Variants in KIAA1217 observed in about 807,000 individuals in gnomAD.
The protein encoded by KIAA1217 is KIAA1217.
Under a neutral mutation model 163.9 loss-of-function variants are expected in KIAA1217, and 88 were observed. That is an observed-to-expected ratio of 0.54 (90% CI 0.45 to 0.64). The LOEUF is 0.64. Among genes scored for constraint, KIAA1217 ranks in the 30% least tolerant of loss-of-function variants. KIAA1217 has a pLI of 0.00. For synonymous variants in KIAA1217, 903 were observed against 923.1 expected, an observed-to-expected ratio of 0.98 and a Z score of 0.39; for missense variants, 2,372 against 2,475.0, an observed-to-expected ratio of 0.96 and a Z score of 0.88.
intron 2 of KIAA1217, among the ~76,000 whole-genome samples, chr10:24,132,496 G>T (rs1388474797): frequency 6.6e-6 from 1 of 152,184 alleles, no homozygotes; most frequent in Non-Finnish European, 1.5e-5. Flanking sequence ...AATATAAGAT[G>T]AATCGGACAT....
At chr10:24,471,474 T>A (rs1174904766) in intron 5 of KIAA1217, among the ~76,000 whole-genome samples, 1 of 151,930 alleles carries the variant, frequency 6.6e-6, no homozygotes, top group Non-Finnish European at 1.5e-5. Context: ...CTGAGTTATT[T>A]TTTTTTTTAT....
At chr10:24,205,917 A>C (rs1017179860), upstream of KIAA1217, among the ~76,000 whole-genome samples, 2 of 152,232 alleles carry the variant, frequency 1.3e-5, no homozygotes, top group African/African-American at 4.8e-5. Flanking sequence ...GGTGAATGCC[A>C]TTTACGTTGC....
chr10:24,061,860 T>C (rs1391048291), intron 2 of KIAA1217, among the ~76,000 whole-genome samples: 2 of 152,176 alleles, frequency 1.3e-5, no homozygotes, highest in East Asian at 3.9e-4. Context: ...CCTTTGTGTA[T>C]ATTTATTTGG....
chr10:24,154,975 G>C (rs2064809650), intron 2 of KIAA1217, among the ~76,000 whole-genome samples: 1 of 151,820 alleles, frequency 6.6e-6, no homozygotes, highest in South Asian at 2.1e-4. Flanking sequence ...CAGGTGTCTG[G>C]GGAAAAGGGA....
intron 2 of KIAA1217, among the ~76,000 whole-genome samples, chr10:24,151,616 A>G (rs1042199590): frequency 6.6e-6 from 1 of 151,292 alleles, no homozygotes; most frequent in African/African-American, 2.4e-5. Context: ...CTCTCTGGAG[A>G]GAGAATGCTC....
At chr10:23,842,038 T>C (rs1274527353) in intron 1 of KIAA1217, among the ~76,000 whole-genome samples, 6 of 151,878 alleles carry the variant, frequency 4.0e-5, no homozygotes, top group Non-Finnish European at 8.8e-5. Context: ...TGGCTAACTT[T>C]TGTATTTTTA....
intron 3 of KIAA1217, among the ~76,000 whole-genome samples, chr10:24,403,233 T>A (rs1173787106): frequency 6.6e-6 from 1 of 152,092 alleles, no homozygotes; most frequent in African/African-American, 2.4e-5. Flanking sequence ...TCTATTTATT[T>A]ATTATTATTA....
At chr10:24,134,619 G>A (rs1320838835) in intron 2 of KIAA1217, among the ~76,000 whole-genome samples, 1 of 152,162 alleles carries the variant, frequency 6.6e-6, no homozygotes, top group African/African-American at 2.4e-5. Context: ...TGTTCTCCAA[G>A]CTGGAGTGCA....
chr10:24,342,259 C>T (rs1032744801), intron 2 of KIAA1217, among the ~76,000 whole-genome samples: 2 of 152,210 alleles, frequency 1.3e-5, no homozygotes. Context: ...GAGAGACCTA[C>T]CTCACATACT....
intron 12 of KIAA1217, among the ~76,000 whole-genome samples, chr10:24,522,355 T>A (rs544174922): frequency 6.6e-6 from 1 of 152,228 alleles, no homozygotes; most frequent in East Asian, 1.9e-4. Flanking sequence ...GTGGGTTTTT[T>A]AAAATAACAT....
At chr10:24,216,007 G>A (rs998076683) in intron 1 of KIAA1217, among the ~76,000 whole-genome samples, 3 of 152,104 alleles carry the variant, frequency 2.0e-5, no homozygotes, top group African/African-American at 4.8e-5. Flanking sequence ...CCTCTAAATC[G>A]CATCAATCCT....
intron 3 of KIAA1217, among the ~76,000 whole-genome samples, chr10:24,383,305 C>G (rs2053562878): frequency 6.6e-6 from 1 of 152,166 alleles, no homozygotes; most frequent in Non-Finnish European, 1.5e-5. Context: ...TCCGCCTTCC[C>G]CCATACCTGG....
At position 24,544,135 on chromosome 10, in the gene KIAA1217, G is replaced by C; in HGVS notation, c.4865G>C (p.Arg1622Pro). 1.9e-6 allele frequency: 3 copies of C among 1,614,114 alleles called. No individual in the cohort carries two copies. The highest frequency in any genetic ancestry group is 2.5e-6 in the Non-Finnish European group (3 of 1,180,038). Residue 1622 changes from arginine (R) to proline (P), a missense_variant, in exon 19 of 21, where the codon CGC becomes CCC. Physicochemically the swap from Arg to Pro is moderately radical, Grantham distance 103. Coordinates refer to ENST00000376454, the MANE Select transcript of KIAA1217 (RefSeq NM_019590.5). ...GTLKQHKEAK[R>P]FEIARSQPED... ...CTGAAACAGCACAAAGAAGCCAAGC[G>C]CTTCGAAATCGCTAGGTCTCAACCT... is the stretch of plus-strand genomic sequence containing the variant.
At chr10:24,286,051 A>T (rs2078510361) in intron 2 of KIAA1217, among the ~76,000 whole-genome samples, 1 of 152,092 alleles carries the variant, frequency 6.6e-6, no homozygotes, top group African/African-American at 2.4e-5. Context: ...TGATTTTTGT[A>T]TGTTGATTTC....
chr10:24,114,451 A>G (rs776168541), intron 2 of KIAA1217, among the ~76,000 whole-genome samples: 41 of 152,170 alleles, frequency 2.7e-4, no homozygotes, highest in Non-Finnish European at 4.6e-4. Context: ...CTTCTCACTT[A>G]CAGACCCCCC....
chr10:24,173,091 C>T (rs977027442), intron 2 of KIAA1217, among the ~76,000 whole-genome samples: 15 of 152,228 alleles, frequency 9.9e-5, no homozygotes, highest in Non-Finnish European at 2.1e-4. Flanking sequence ...TATTTGCAGC[C>T]GCTCCCTATC....
chr10:24,498,589 C>T (rs980334015), intron 8 of KIAA1217, among the ~76,000 whole-genome samples: 1 of 152,076 alleles, frequency 6.6e-6, no homozygotes, highest in African/African-American at 2.4e-5. Flanking sequence ...TTGGCCGAGG[C>T]AGGAGGATCG....
chr10:24,307,773 C>G (rs1286131688), intron 2 of KIAA1217, among the ~76,000 whole-genome samples: 1 of 151,990 alleles, frequency 6.6e-6, no homozygotes, highest in Non-Finnish European at 1.5e-5. Flanking sequence ...AGAGTGAGAC[C>G]TTGTCTCAAA....
chr10:24,101,467 A>T lies in KIAA1217; in HGVS notation c.-171+94093A>T, dbSNP rs146823448. Among the ~76,000 whole-genome samples the T allele has an allele frequency of 3.6e-3, 548 of 152,308 alleles. 5 individuals carry two copies. Among genetic ancestry groups the T allele is most frequent in the African/African-American group, 0.012 (500 of 41,564 alleles). On this transcript the variant is annotated intron_variant, in intron 2 of 18. Coordinates refer to the KIAA1217 transcript ENST00000376462. The stretch of plus-strand genomic sequence containing the variant: ...CAAGGACATCCATTCCTGTGAGGGT[A>T]TGACAGCCCTGGTGGACGCTTAAAT...
Sources: gnomAD v4.1 joint callset for allele counts (sites outside exome capture counted in the v4.1 genomes callset) on GRCh38, gnomAD v4.1.1 for gene constraint, MANE v1.5 for transcripts, NCBI Gene and HGNC (gene_info 2026-07-23, HGNC 2026-07-21) for gene names.